Variants in BBX observed in about 807,000 individuals in gnomAD.
BBX encodes the protein BBX high mobility group box domain containing.
BBX carries 30 observed loss-of-function variants against 100.2 expected under a neutral mutation model. The observed-to-expected ratio is 0.30, with a 90% CI of 0.22 to 0.41. The LOEUF (loss-of-function observed/expected upper bound fraction) is 0.41, where lower values mean the gene tolerates loss of function less well. BBX is among the 10% of genes least tolerant of loss of function. BBX has a pLI of 1.00. For synonymous variants in BBX, 376 were observed against 388.1 expected (o/e 0.97, Z 0.37); for missense variants, 1,023 against 1,129.8 (o/e 0.91, Z 1.35).
intron 2 of BBX, among the ~76,000 whole-genome samples, chr3:107,614,818 G>C (rs1189468397): frequency 6.6e-6 from 1 of 152,174 alleles, no homozygotes; most frequent in Non-Finnish European, 1.5e-5. Context: ...AGGTAGATTG[G>C]TCTGGGAGTG....
At chr3:107,701,849 T>C (rs2061081633) in intron 3 of BBX, among the ~76,000 whole-genome samples, 1 of 152,224 alleles carries the variant, frequency 6.6e-6, no homozygotes, top group Non-Finnish European at 1.5e-5. Flanking sequence ...ACCTACCTTT[T>C]AGGCTTATTG....
intron 10 of BBX, among the ~76,000 whole-genome samples, chr3:107,756,162 A>T (rs888842373): frequency 1.3e-5 from 2 of 152,042 alleles, no homozygotes; most frequent in African/African-American, 4.8e-5. Flanking sequence ...GTAAAATGCT[A>T]CTCTTCCATT....
Position 107,522,968 on chromosome 3 carries a change from T to A in BBX, c.-295T>A, listed in dbSNP as rs1028034691. On this transcript the variant is annotated 5_prime_UTR_variant, in exon 1 of 18. An upstream start codon of the reference 5' UTR is lost. Transcript: ENST00000325805. ...GTGTTTTCAGTCTCTCCGGGTTGCATGTACTGTATGTGGAGCAGTGTACAG... is the reference window on the plus strand; with the variant it reads ...GTGTTTTCAGTCTCTCCGGGTTGCAAGTACTGTATGTGGAGCAGTGTACAG... 6.6e-6 allele frequency: 1 copy of A among 152,382 alleles called. No individual in the cohort carries two copies. Among genetic ancestry groups the A allele is most frequent in the African/African-American group, 2.4e-5 (1 of 41,436 alleles). The allele number at this position is 152,382 out of a possible 1,614,324, so 9.4% of individuals were successfully genotyped here.
Position 107,719,720 on chromosome 3 carries a change from T to C in BBX, c.405+2871T>C, listed in dbSNP as rs1040404753. ...TCAGTAATGTACATGATGTGCAATG[T>C]TGTGGATGTTCACAGGTTCTAATTT... is the stretch of plus-strand genomic sequence containing the variant. On this transcript the variant is annotated intron_variant, in intron 5 of 17. Transcript: ENST00000325805. 2.6e-5 allele frequency among the ~76,000 whole-genome samples: 4 copies of C among 152,200 alleles called. No individual in the cohort carries two copies. The South Asian group carries it at 8.3e-4, about 32-fold the overall frequency.
At chr3:107,537,648 C>T (rs2048591170) in intron 2 of BBX, among the ~76,000 whole-genome samples, 1 of 152,138 alleles carries the variant, frequency 6.6e-6, no homozygotes, top group Admixed American at 6.5e-5. Flanking sequence ...GGAGAACACC[C>T]GTGAGCTTGG....
intron 3 of BBX, among the ~76,000 whole-genome samples, chr3:107,683,856 C>T (rs1238103830): frequency 2.0e-5 from 3 of 152,182 alleles, no homozygotes; most frequent in African/African-American, 7.2e-5. Context: ...TGTGCCTGCA[C>T]ATGTGTTAAC....
intron 17 of BBX, among the ~76,000 whole-genome samples, chr3:107,801,560 T>C (rs1260622170): frequency 1.3e-5 from 2 of 152,216 alleles, no homozygotes; most frequent in East Asian, 3.8e-4. Context: ...ATCTGACCAA[T>C]GAGCTTTGGA....
chr3:107,592,330 C>T (rs1185782988), intron 2 of BBX, among the ~76,000 whole-genome samples: 1 of 119,976 alleles, frequency 8.3e-6, no homozygotes, highest in Admixed American at 1.2e-4. Flanking sequence ...CAGTGCACTC[C>T]AGTCTAGGTG....
intron 9 of BBX, among the ~76,000 whole-genome samples, chr3:107,748,407 T>G (rs184854962): frequency 3.9e-5 from 6 of 152,230 alleles, no homozygotes; most frequent in Non-Finnish European, 5.9e-5. Flanking sequence ...GATGCTATAA[T>G]TCATGAATGA....
chr3:107,612,851 C>T (rs1315677485), intron 2 of BBX, among the ~76,000 whole-genome samples: 1 of 152,218 alleles, frequency 6.6e-6, no homozygotes. Flanking sequence ...CCCCCAGGCC[C>T]TGGGTGGGTC....
intron 7 of BBX, among the ~76,000 whole-genome samples, chr3:107,734,040 T>C (rs977807879): frequency 3.3e-5 from 5 of 152,194 alleles, no homozygotes; most frequent in Admixed American, 3.3e-4. Context: ...AATTGTTGTT[T>C]AGGGCCAAAT....
intron 2 of BBX, among the ~76,000 whole-genome samples, chr3:107,624,188 C>CT (rs1232295020): frequency 6.6e-6 from 1 of 152,068 alleles, no homozygotes; most frequent in Non-Finnish European, 1.5e-5. Flanking sequence ...TAGAGCCTAC[C>CT]TAAGGGGTGG....
intron 10 of BBX, among the ~76,000 whole-genome samples, chr3:107,761,945 C>T (rs947788764): frequency 6.6e-6 from 1 of 152,128 alleles, no homozygotes; most frequent in Non-Finnish European, 1.5e-5. Flanking sequence ...CCTATGGTAA[C>T]CCCCTTAAAG....
intron 2 of BBX, among the ~76,000 whole-genome samples, chr3:107,548,842 A>G (rs1393456874): frequency 1.3e-5 from 2 of 152,330 alleles, no homozygotes; most frequent in Non-Finnish European, 2.9e-5. Flanking sequence ...CTTTGCAGCA[A>G]CATTGATGCA....
rs774442142 is a variant in BBX at position 107,805,531 on chromosome 3, G to A, written c.*74G>A. 1 of 1,611,524 alleles carries A rather than the reference G, an allele frequency of 6.2e-7. No individual in the cohort carries two copies. The highest frequency in any genetic ancestry group is 8.5e-7 in the Non-Finnish European group (1 of 1,178,624). On this transcript the variant is annotated 3_prime_UTR_variant, in exon 18 of 18. Transcript: ENST00000325805. ...TGTCTTTACCGAGGGATGCTAGTGAGTCCAAGTGGTGGAAAATATAGACTG... is the reference window on the plus strand; with the variant it reads ...TGTCTTTACCGAGGGATGCTAGTGAATCCAAGTGGTGGAAAATATAGACTG...
chr3:107,759,304 G>A (rs1441962287), intron 10 of BBX, among the ~76,000 whole-genome samples: 1 of 152,106 alleles, frequency 6.6e-6, no homozygotes, highest in Non-Finnish European at 1.5e-5. Context: ...TATTTTTAAG[G>A]GTTTTGTCTG....
Position 107,632,131 on chromosome 3 carries a change from C to CA in BBX, c.-83-13704dup, listed in dbSNP as rs2056587213. ...TCCCTCTGCCACTCAGGCTGGAGTG[C>CA]AGTGGCATGACCTTGGCTCACTGCA... On this transcript the variant is annotated intron_variant, in intron 2 of 17. Coordinates refer to ENST00000325805, the MANE Select transcript of BBX (RefSeq NM_001142568.3). Among the ~76,000 whole-genome samples the CA allele has an allele frequency of 2.0e-5, 3 of 152,220 alleles. No individual in the cohort carries two copies. The East Asian group carries it at 5.8e-4, about 29-fold the overall frequency.
intron 2 of BBX, among the ~76,000 whole-genome samples, chr3:107,586,885 G>A (rs2052889105): frequency 1.3e-5 from 2 of 151,952 alleles, no homozygotes; most frequent in Non-Finnish European, 2.9e-5. Flanking sequence ...GGAGTAGCTG[G>A]GACTACAGAC....
chr3:107,583,544 A>T (rs2052440471), intron 2 of BBX, among the ~76,000 whole-genome samples: 1 of 151,924 alleles, frequency 6.6e-6, no homozygotes, highest in Non-Finnish European at 1.5e-5. Context: ...GTATGTAATG[A>T]TCAAATCGGG....
Sources: allele counts gnomAD v4.1 joint callset (sites outside exome capture counted in the v4.1 genomes callset), GRCh38; gene constraint gnomAD v4.1.1; transcripts MANE v1.5; gene names NCBI Gene and HGNC (gene_info 2026-07-23, HGNC 2026-07-21).